Variants in PGBD5 observed in about 807,000 individuals in gnomAD.
PGBD5 encodes the protein piggyBac transposable element derived 5.
Under a neutral mutation model 47.9 loss-of-function variants are expected in PGBD5, and 14 were observed. The ratio of observed to expected loss-of-function variants is 0.29; its 90% CI spans 0.19 to 0.46. The LOEUF is 0.46. Ranked by LOEUF, PGBD5 falls within the 20% of genes least tolerant of loss-of-function variation. The probability of loss-of-function intolerance (pLI) is 1.00; values close to 1 mark genes in which losing one functional copy is unlikely to be tolerated. For missense variants in PGBD5, 635 were observed against 716.0 expected, an observed-to-expected ratio of 0.89 and a Z score of 1.29; for synonymous variants, 316 against 306.3, an observed-to-expected ratio of 1.03 and a Z score of -0.33.
chr1:230,377,753 TGCATAAA>T, intron 1 of PGBD5: 1 of 1,380,102 alleles, frequency 7.2e-7, no homozygotes, highest in Non-Finnish European at 9.5e-7. Flanking sequence ...TGAAATACTG[TGCATAAA>T]GCACAGTGCA....
At chr1:230,421,821 G>A (rs1430507887) in intron 1 of PGBD5, among the ~76,000 whole-genome samples, 2 of 152,162 alleles carry the variant, frequency 1.3e-5, no homozygotes, top group Non-Finnish European at 2.9e-5. Flanking sequence ...AGAGCTAAAG[G>A]TAGGAGCAGC....
chr1:230,372,736 G>A (rs915529531), intron 1 of PGBD5, among the ~76,000 whole-genome samples: 25 of 152,268 alleles, frequency 1.6e-4, no homozygotes, highest in African/African-American at 3.6e-4. Flanking sequence ...CACCCTCGTC[G>A]CGCCATGGAC....
In PGBD5 at chr1:230,317,521, A is replaced by C. The variant is rs1176455065; in HGVS notation, c.*5904T>G. On this transcript the variant is annotated 3_prime_UTR_variant, in exon 7 of 7. Transcript: ENST00000391860. ...CCAGCGAGGCTTGGGTGAAGACGGC[A>C]GAAGAATGAATCAAAGACTAGCGAG... 2.0e-5 allele frequency: 3 copies of C among 152,388 alleles called. No homozygotes were observed. The East Asian group carries it at 5.8e-4, about 29-fold the overall frequency. 9.4% of individuals were successfully genotyped at this position (152,388 alleles called of 1,614,324 possible). A position where few individuals can be genotyped will look rare whatever the true frequency, so the allele number is the denominator to read the frequency against.
chr1:230,403,895 T>C (rs1401704319), intron 1 of PGBD5, among the ~76,000 whole-genome samples: 1 of 152,114 alleles, frequency 6.6e-6, no homozygotes, highest in East Asian at 1.9e-4. Context: ...GGAGGATACA[T>C]ACAACTTGAA....
intron 1 of PGBD5, among the ~76,000 whole-genome samples, chr1:230,417,245 A>C (rs1265175811): frequency 6.6e-6 from 1 of 152,050 alleles, no homozygotes; most frequent in South Asian, 2.1e-4. Flanking sequence ...TAAAGGTCTT[A>C]TCCCATTCCC....
chr1:230,357,997 G>GGC lies in PGBD5; in HGVS notation c.332-678_332-677dup. 6.7e-6 allele frequency among the ~76,000 whole-genome samples: 1 copy of GGC among 150,160 alleles called. No homozygotes were observed. The highest frequency in any genetic ancestry group is 2.5e-5 in the African/African-American group (1 of 40,574). On this transcript the variant is annotated intron_variant, in intron 1 of 6. Transcript: ENST00000391860. The surrounding 1 kb of genome is among the most constrained non-coding windows in gnomAD (Gnocchi z 5.7). ...ACACACATACATACATACATACACA[G>GGC]GCACACACACATATATACACATACA...
At chr1:230,338,802 A>AAAAT (rs1217592114) in intron 3 of PGBD5, among the ~76,000 whole-genome samples, 4 of 152,138 alleles carry the variant, frequency 2.6e-5, no homozygotes, top group South Asian at 2.1e-4. Context: ...TTCCATCTCA[A>AAAAT]AAATAAATAA....
rs574329675 is a variant in PGBD5 at position 230,411,997 on chromosome 1, C to A, written c.331+13601G>T. 2.0e-5 allele frequency among the ~76,000 whole-genome samples: 3 copies of A among 152,170 alleles called. No individual in the cohort carries two copies. In the East Asian group the frequency reaches 5.8e-4, roughly 29 times the overall value. On this transcript the variant is annotated intron_variant, in intron 1 of 6. Transcript: ENST00000391860. The stretch of plus-strand genomic sequence containing the variant: ...CCGTATTTGTTAAACAATGAACTCT[C>A]CCCCCAAAAAGAAAAACCCTACACA...
At chr1:230,395,531 A>C (rs866332816) in intron 1 of PGBD5, among the ~76,000 whole-genome samples, 24 of 1,864 alleles carry the variant, frequency 0.013, no homozygotes, top group Middle Eastern at 0.1. Context: ...TCTCATTCCC[A>C]CCCTCCTCCC....
chr1:230,324,822 G>A (rs932547840), intron 6 of PGBD5, among the ~76,000 whole-genome samples: 25 of 152,318 alleles, frequency 1.6e-4, no homozygotes, highest in African/African-American at 6.0e-4. Flanking sequence ...TATTGAACAT[G>A]AGACCACATC....
chr1:230,347,488 T>TC (rs1667493293), intron 3 of PGBD5, among the ~76,000 whole-genome samples: 1 of 148,552 alleles, frequency 6.7e-6, no homozygotes, highest in Non-Finnish European at 1.5e-5. Flanking sequence ...TTTTTTTTTT[T>TC]TTTTTTTTGA....
intron 1 of PGBD5, among the ~76,000 whole-genome samples, chr1:230,404,703 T>C (rs1657256922): frequency 6.6e-6 from 1 of 150,472 alleles, no homozygotes; most frequent in East Asian, 2.0e-4. Flanking sequence ...AGGCTGACGT[T>C]TGGCAGATCA....
chr1:230,356,788 G>T, intron 2 of PGBD5, 106 bp downstream of exon 2: 1 of 1,206,922 alleles, frequency 8.3e-7, no homozygotes, highest in Non-Finnish European at 1.2e-6. Flanking sequence ...TGAACTCAGA[G>T]GGCAGGCAGG....
intron 2 of PGBD5, among the ~76,000 whole-genome samples, chr1:230,352,199 G>A (rs1193329192): frequency 6.6e-6 from 1 of 152,196 alleles, no homozygotes; most frequent in African/African-American, 2.4e-5. Context: ...AATATTGTCT[G>A]TGGTTGCTTT....
intron 1 of PGBD5, among the ~76,000 whole-genome samples, chr1:230,362,016 A>C (rs1203079861): frequency 6.6e-6 from 1 of 152,238 alleles, no homozygotes; most frequent in African/African-American, 2.4e-5. Context: ...CCTTGAATTT[A>C]GTGCAACTGA....
intron 1 of PGBD5, among the ~76,000 whole-genome samples, chr1:230,387,883 C>T (rs1422119136): frequency 2.0e-5 from 3 of 152,058 alleles, no homozygotes; most frequent in South Asian, 4.1e-4. Context: ...TTCAGGAATA[C>T]GCCGTAGGGT....
intron 2 of PGBD5, among the ~76,000 whole-genome samples, chr1:230,355,724 G>A (rs1199915206): frequency 1.3e-5 from 2 of 152,160 alleles, no homozygotes; most frequent in African/African-American, 4.8e-5. Context: ...ACGGGACTGT[G>A]GGCCTTACAC....
rs1667050963 is a variant in PGBD5, at chr1:230,322,569, G to A, written c.*856C>T. 2 of 152,726 alleles carry A rather than the reference G, an allele frequency of 1.3e-5. No homozygotes were observed. The highest frequency in any genetic ancestry group is 1.3e-4 in the Admixed American group (2 of 15,286). The allele number at this position is 152,726 out of a possible 1,614,324, so 9.5% of individuals were successfully genotyped here. On this transcript the variant is annotated 3_prime_UTR_variant, in exon 7 of 7. Coordinates refer to ENST00000391860, the MANE Select transcript of PGBD5 (RefSeq NM_001258311.2). This position sits in a 1 kb window ranked among gnomAD's most constrained non-coding sequence, Gnocchi z 5.9. Reference sequence around the variant, plus strand: ...TCGTGGAGAGCAACCACGTCTGTTCGGAAGCCAGCGGCCCTTCCCGGCCCT... The same window carrying A: ...TCGTGGAGAGCAACCACGTCTGTTCAGAAGCCAGCGGCCCTTCCCGGCCCT...
At chr1:230,386,147 C>T (rs1558207286) in intron 1 of PGBD5, among the ~76,000 whole-genome samples, 3 of 151,992 alleles carry the variant, frequency 2.0e-5, no homozygotes, top group Admixed American at 6.6e-5. Flanking sequence ...GGCAACACAG[C>T]GAGACCCCAT....
Sources: allele counts gnomAD v4.1 joint callset (sites outside exome capture counted in the v4.1 genomes callset), GRCh38; gene constraint gnomAD v4.1.1; non-coding constraint Gnocchi (gnomAD v3.1); transcripts MANE v1.5; gene names NCBI Gene and HGNC (gene_info 2026-07-23, HGNC 2026-07-21).